The following AK8 variants were observed in gnomAD, a reference collection of about 807,000 sequenced individuals.
AK8 encodes the protein ATP-AMP transphosphorylase 8.
A neutral mutation model predicts 54.6 loss-of-function variants in AK8; 44 were observed. The observed-to-expected ratio is 0.81, with a 90% confidence interval of 0.63 to 1.04. The LOEUF (loss-of-function observed/expected upper bound fraction) is 1.04, where lower values mean the gene tolerates loss of function less well. Among genes scored for constraint, AK8 ranks in the 50% least tolerant of loss-of-function variants. AK8 has a pLI of 0.00. For synonymous variants in AK8, 239 were observed against 245.6 expected, an observed-to-expected ratio of 0.97 and a Z score of 0.25; for missense variants, 555 against 613.6, an observed-to-expected ratio of 0.90 and a Z score of 1.01.
intron 4 of AK8, among the ~76,000 whole-genome samples, chr9:132,863,077 C>A (rs1843451857): frequency 6.6e-6 from 1 of 152,266 alleles, no homozygotes; most frequent in African/African-American, 2.4e-5. Flanking sequence ...AAATATCGAG[C>A]TGTTGGTCTT....
chr9:132,823,198 C>T lies in AK8; in HGVS notation c.889+7G>A, dbSNP rs1238376181. ...AAGCTGGGCAGCCCAGCACCTGGGG[C>T]ACTCACCATTGACAAGCCTGTATTT... On this transcript the variant is annotated splice_region_variant and intron_variant, in intron 9 of 12. Coordinates refer to ENST00000298545, the MANE Select transcript of AK8 (RefSeq NM_152572.3). The T allele has an allele frequency of 4.5e-6, 7 of 1,559,068 alleles. No individual in the cohort carries two copies. The highest frequency in any genetic ancestry group is 1.4e-5 in the African/African-American group (1 of 72,640).
intron 5 of AK8, among the ~76,000 whole-genome samples, chr9:132,853,337 G>C (rs139935306): frequency 1.6e-5 from 2 of 128,030 alleles, no homozygotes; most frequent in Non-Finnish European, 3.1e-5. Context: ...CTACCTGGGC[G>C]ACAGAATGAG....
At chr9:132,747,971 C>T (rs752098077) in intron 11 of AK8, among the ~76,000 whole-genome samples, 6 of 151,110 alleles carry the variant, frequency 4.0e-5, no homozygotes, top group South Asian at 2.1e-4. Context: ...TGGTGATGGG[C>T]GCCTGTAGTC....
At position 132,781,766 on chromosome 9, in the gene AK8, C is replaced by T. The variant is rs565108175; in HGVS notation, c.1121+10868G>A. ...AGTGTTTTATAATTGGCATCACAACCGAACCAGAATTACAGTCCTGATAGT... is the reference window on the plus strand; with the variant it reads ...AGTGTTTTATAATTGGCATCACAACTGAACCAGAATTACAGTCCTGATAGT... On this transcript the variant is annotated intron_variant, in intron 11 of 12. Transcript: ENST00000298545. This position sits in a 1 kb window ranked among gnomAD's most constrained non-coding sequence, Gnocchi z 4.6. 5.3e-5 allele frequency among the ~76,000 whole-genome samples: 8 copies of T among 152,256 alleles called. No homozygotes were observed. Among genetic ancestry groups the T allele is most frequent in the Admixed American group, 1.3e-4 (2 of 15,288 alleles).
rs542139828 is a variant in AK8, at chr9:132,858,878, G to T, written c.334-3953C>A. 4.6e-5 allele frequency among the ~76,000 whole-genome samples: 7 copies of T among 152,272 alleles called. No homozygotes were observed. The East Asian group carries it at 1.4e-3, about 29-fold the overall frequency. ...CACCCAGACAGGCGCACGGAAGGAC[G>T]TGGCAGCAAGAGAAACCCTGGACTG... On this transcript the variant is annotated intron_variant, in intron 4 of 12. Coordinates refer to ENST00000298545, the MANE Select transcript of AK8 (RefSeq NM_152572.3).
chr9:132,792,517 A>T, intron 11 of AK8, 117 bp downstream of exon 11: 1 of 1,365,300 alleles, frequency 7.3e-7, no homozygotes, highest in Non-Finnish European at 9.7e-7. Flanking sequence ...TGACCAGGAG[A>T]CATTCCACTT....
chr9:132,826,091 G>A lies in AK8; in HGVS notation c.757+763C>T, dbSNP rs556062470. Among the ~76,000 whole-genome samples the A allele has an allele frequency of 6.6e-6, 1 of 152,324 alleles. No individual in the cohort carries two copies. The highest frequency in any genetic ancestry group is 2.1e-4 in the South Asian group (1 of 4,830). Reference sequence around the variant, plus strand: ...CTGATGTTTATTGAGGCTTTTCTCTGTGCCAGAACTGGGCTTGTGGCTGTG... The same window carrying A: ...CTGATGTTTATTGAGGCTTTTCTCTATGCCAGAACTGGGCTTGTGGCTGTG... On this transcript the variant is annotated intron_variant, in intron 8 of 12. Transcript: ENST00000298545. This position sits in a 1 kb window ranked among gnomAD's most constrained non-coding sequence, Gnocchi z 4.5.
At chr9:132,806,099 G>GGCGT (rs1399544712) in intron 10 of AK8, among the ~76,000 whole-genome samples, 3 of 71,856 alleles carry the variant, frequency 4.2e-5, no homozygotes, top group Non-Finnish European at 8.6e-5. Context: ...CTTACTGCTT[G>GGCGT]GCGTGTGTGT....
At chr9:132,828,387 T>C (rs1841967464) in intron 6 of AK8, among the ~76,000 whole-genome samples, 1 of 152,206 alleles carries the variant, frequency 6.6e-6, no homozygotes, top group Admixed American at 6.5e-5. Context: ...TGCACAGCAT[T>C]CTATGCTATG....
intron 10 of AK8, among the ~76,000 whole-genome samples, chr9:132,800,288 G>A (rs910438013): frequency 1.3e-5 from 2 of 152,178 alleles, no homozygotes; most frequent in Non-Finnish European, 2.9e-5. Flanking sequence ...GGCGCCAGGT[G>A]TTTCTGTTGG....
chr9:132,781,447 CA>C lies in AK8; in HGVS notation c.1121+11186del, dbSNP rs1839462452. Among the ~76,000 whole-genome samples the C allele has an allele frequency of 6.6e-6, 1 of 152,096 alleles. No individual in the cohort carries two copies. Among genetic ancestry groups the C allele is most frequent in the African/African-American group, 2.4e-5 (1 of 41,400 alleles). On this transcript the variant is annotated intron_variant, in intron 11 of 12. Coordinates refer to ENST00000298545, the MANE Select transcript of AK8 (RefSeq NM_152572.3). The surrounding 1 kb of genome is among the most constrained non-coding windows in gnomAD (Gnocchi z 4.6). ...AAGAGATTTATATTTGACAAGGAGA[CA>C]ATAGCTTTGTTTTCTGATAAGCCAA...
At chr9:132,847,076 A>C (rs115728939) in intron 5 of AK8, among the ~76,000 whole-genome samples, 41 of 152,354 alleles carry the variant, frequency 2.7e-4, no homozygotes, top group African/African-American at 9.6e-4. Context: ...TCCAGTGGTC[A>C]GCAGGCCAGC....
Position 132,803,498 on chromosome 9 carries a change from TA to T in AK8, c.980-10724del, listed in dbSNP as rs1184730892. 6.6e-6 allele frequency among the ~76,000 whole-genome samples: 1 copy of T among 152,162 alleles called. No homozygotes were observed. Among genetic ancestry groups the T allele is most frequent in the Admixed American group, 6.5e-5 (1 of 15,276 alleles). ...CATTCTTGATAATAATCATGGTGAG[TA>T]ATCAGTGATTACAACCAGTGACCAT... On this transcript the variant is annotated intron_variant, in intron 10 of 12. Transcript: ENST00000298545. This position sits in a 1 kb window ranked among gnomAD's most constrained non-coding sequence, Gnocchi z 4.4.
At chr9:132,814,042 C>T (rs1841200059) in intron 10 of AK8, among the ~76,000 whole-genome samples, 1 of 151,816 alleles carries the variant, frequency 6.6e-6, no homozygotes, top group Non-Finnish European at 1.5e-5. Flanking sequence ...TTTTGGGAGG[C>T]TGAAACAGGA....
intron 11 of AK8, among the ~76,000 whole-genome samples, chr9:132,754,135 G>A (rs1476061695): frequency 6.6e-6 from 1 of 152,194 alleles, no homozygotes. Flanking sequence ...GCACATGGCC[G>A]CCTAGGATCT....
At chr9:132,840,553 T>C (rs576582695) in intron 5 of AK8, among the ~76,000 whole-genome samples, 1 of 152,264 alleles carries the variant, frequency 6.6e-6, no homozygotes, top group East Asian at 1.9e-4. Context: ...CTCTCATTCA[T>C]CCAGGTATGG....
intron 11 of AK8, among the ~76,000 whole-genome samples, chr9:132,744,923 C>T (rs1007431321): frequency 2.6e-5 from 4 of 152,174 alleles, no homozygotes; most frequent in African/African-American, 7.2e-5. Flanking sequence ...TGTTTAAAGA[C>T]GGTTGACAAG....
At chr9:132,765,115 A>G (rs1422071282) in intron 11 of AK8, among the ~76,000 whole-genome samples, 3 of 152,014 alleles carry the variant, frequency 2.0e-5, no homozygotes, top group Non-Finnish European at 4.4e-5. Context: ...CAACACGGTG[A>G]AACCGCATCT....
intron 9 of AK8, among the ~76,000 whole-genome samples, chr9:132,815,600 C>T (rs1841292154): frequency 6.6e-6 from 1 of 152,170 alleles, no homozygotes; most frequent in Non-Finnish European, 1.5e-5. Context: ...ACGCTGCAGT[C>T]ACCTGGCCAG....
Sources: allele counts gnomAD v4.1 joint callset (sites outside exome capture counted in the v4.1 genomes callset), GRCh38; gene constraint gnomAD v4.1.1; non-coding constraint Gnocchi (gnomAD v3.1); transcripts MANE v1.5; gene names NCBI Gene and HGNC (gene_info 2026-07-23, HGNC 2026-07-21).